Variants in ABCG8 observed in about 807,000 individuals in gnomAD.
The protein encoded by ABCG8 is ATP binding cassette subfamily G member 8.
ABCG8 carries 81 observed loss-of-function variants against 71.3 expected under a neutral mutation model. The observed-to-expected ratio is 1.14, with a 90% CI of 0.95 to 1.37. The LOEUF (loss-of-function observed/expected upper bound fraction) is 1.37. Among genes scored for constraint, ABCG8 ranks in the 40% most tolerant of loss-of-function variants. ABCG8 has a pLI of 0.00. For missense variants in ABCG8, 1,119 were observed against 866.2 expected, an observed-to-expected ratio of 1.29 and a Z score of -3.66; for synonymous variants, 451 against 354.7, an observed-to-expected ratio of 1.27 and a Z score of -3.05.
chr2:43,842,198 A>G lies in ABCG8; in HGVS notation c.64-2309A>G, dbSNP rs565049354. Among the ~76,000 whole-genome samples, 127 of 152,102 alleles carry G rather than the reference A, an allele frequency of 8.3e-4. 1 individual carries two copies. In the South Asian group the frequency reaches 0.026, roughly 31 times the overall value. ...CAATTTTTTTTTGTATTTTTAGTAG[A>G]GACAGGGTTTCACTGTTTTGGCCAA... On this transcript the variant is annotated intron_variant, in intron 1 of 12. Coordinates refer to ENST00000272286, the MANE Select transcript of ABCG8 (RefSeq NM_022437.3).
At chr2:43,852,292 A>C (rs578169492) in intron 4 of ABCG8, 62 bp from the exon 5 acceptor site, 18 of 1,610,310 alleles carry the variant, frequency 1.1e-5, no homozygotes, top group African/African-American at 1.3e-5. Flanking sequence ...CCTTGGGGTC[A>C]CAATGTGTCC....
Position 43,846,988 on chromosome 2 carries a change from GTGCACACA to G in ABCG8, c.322+678_322+685del, listed in dbSNP as rs1411866930. 749 of 124,430 alleles carry G rather than the reference GTGCACACA, an allele frequency of 6.0e-3. 6 individuals carry two copies. Among genetic ancestry groups the G allele is most frequent in the African/African-American group, 0.015 (462 of 31,562 alleles). 7.7% of individuals were successfully genotyped at this position (124,430 alleles called of 1,614,324 possible). On this transcript the variant is annotated intron_variant, in intron 3 of 12. Coordinates refer to ENST00000272286, the MANE Select transcript of ABCG8 (RefSeq NM_022437.3). ...CTAGAGTATCCTCCTGCACGCGCGC[GTGCACACA>G]CACACACACACACACACACACACAC...
chr2:43,852,554 G>A (rs1383514481), intron 5 of ABCG8, 45 bp from the exon 6 acceptor site: 2 of 1,613,996 alleles, frequency 1.2e-6, no homozygotes, highest in Admixed American at 1.7e-5. Flanking sequence ...GCTTGGTCTG[G>A]CCAGAGCCCC....
intron 6 of ABCG8, among the ~76,000 whole-genome samples, chr2:43,862,687 A>G (rs1009638024): frequency 6.6e-6 from 1 of 150,988 alleles, no homozygotes; most frequent in African/African-American, 2.4e-5. Context: ...CACTCTCTGG[A>G]TAGAACTCTC....
chr2:43,858,523 T>C (rs535602933), intron 6 of ABCG8, among the ~76,000 whole-genome samples: 3 of 151,692 alleles, frequency 2.0e-5, no homozygotes, highest in Non-Finnish European at 3.0e-5. Flanking sequence ...TCTATCTCGA[T>C]AGAATTCTCA....
chr2:43,844,507 G>A lies in ABCG8; in HGVS notation c.64G>A (p.Gly22Ser), dbSNP rs373228989. ...PKGATPQDTS[G>S]LQDRLFSSES... ...CCCTCATCTCTCCTGTCTCCCACAG[G>A]GCCTCCAGGATAGATTGTTCTCCTC... Residue 22 changes from glycine to serine, a missense_variant and splice_region_variant, in exon 2 of 13, where the codon GGC (glycine) becomes AGC (serine). Coordinates refer to ENST00000272286, the MANE Select transcript of ABCG8 (RefSeq NM_022437.3). 21 of 1,613,588 alleles carry A rather than the reference G, an allele frequency of 1.3e-5. No individual in the cohort carries two copies. Among genetic ancestry groups the A allele is most frequent in the East Asian group, 6.7e-5 (3 of 44,882 alleles).
At position 43,879,120 on chromosome 2, in the gene ABCG8, T is replaced by G. The variant is rs972028401; in HGVS notation, c.*1207T>G. The stretch of plus-strand genomic sequence containing the variant: ...GCAGTGTGAGAGCAGATGAATACAC[T>G]GGCCCTGCCTGGGTTTCAGAACCAG... On this transcript the variant is annotated 3_prime_UTR_variant, in exon 13 of 13. Coordinates refer to ENST00000272286, the MANE Select transcript of ABCG8 (RefSeq NM_022437.3). The G allele has an allele frequency of 2.6e-5, 4 of 152,242 alleles. No individual in the cohort carries two copies. The highest frequency in any genetic ancestry group is 5.9e-5 in the Non-Finnish European group (4 of 68,086). 9.4% of individuals were successfully genotyped at this position (152,242 alleles called of 1,614,324 possible).
At chr2:43,849,421 G>C (rs1314733320) in intron 3 of ABCG8, among the ~76,000 whole-genome samples, 4 of 152,186 alleles carry the variant, frequency 2.6e-5, no homozygotes, top group African/African-American at 7.2e-5. Flanking sequence ...TAAACCATAA[G>C]AGTGTAAACT....
chr2:43,843,742 T>A (rs1464972592), intron 1 of ABCG8, among the ~76,000 whole-genome samples: 1 of 152,138 alleles, frequency 6.6e-6, no homozygotes, highest in East Asian at 1.9e-4. Context: ...TAGGAGGAAT[T>A]GAGATCTGCA....
chr2:43,857,209 A>AG (rs1669142738), intron 6 of ABCG8, among the ~76,000 whole-genome samples: 1 of 151,550 alleles, frequency 6.6e-6, no homozygotes, highest in African/African-American at 2.4e-5. Context: ...CTCTCTGGAT[A>AG]AAACTCTTAA....
intron 6 of ABCG8, among the ~76,000 whole-genome samples, chr2:43,869,403 C>A (rs1043402828): frequency 6.6e-6 from 1 of 152,078 alleles, no homozygotes; most frequent in Non-Finnish European, 1.5e-5. Context: ...AGAACTCTTA[C>A]TGTCTATCTG....
At chr2:43,869,874 G>T (rs550467476) in intron 6 of ABCG8, among the ~76,000 whole-genome samples, 91 of 151,956 alleles carry the variant, frequency 6.0e-4, no homozygotes, top group Non-Finnish European at 1.1e-3. Flanking sequence ...TATGTAGACA[G>T]AATTCTCACT....
intron 6 of ABCG8, among the ~76,000 whole-genome samples, chr2:43,868,118 G>A (rs771496049): frequency 2.6e-5 from 4 of 151,656 alleles, no homozygotes; most frequent in Admixed American, 6.6e-5. Context: ...TGCCTGGATC[G>A]AATTCTCATT....
chr2:43,863,814 C>G (rs1180305618), intron 6 of ABCG8, among the ~76,000 whole-genome samples: 1 of 151,512 alleles, frequency 6.6e-6, no homozygotes, highest in African/African-American at 2.4e-5. Flanking sequence ...CACTACCTGT[C>G]TGGATAGAAT....
At chr2:43,860,168 G>C (rs183255882) in intron 6 of ABCG8, among the ~76,000 whole-genome samples, 7 of 151,204 alleles carry the variant, frequency 4.6e-5, no homozygotes, top group African/African-American at 1.7e-4. Flanking sequence ...TCACTCTCTG[G>C]ATAGAACTCT....
rs1248081609 is a variant in ABCG8, at chr2:43,871,044, G to A, written c.965-932G>A. ...TGGATAGAACTCTCACTATCTATCTGGATAGAATTCTTACTCTAGATAGAA... is the reference window on the plus strand; with the variant it reads ...TGGATAGAACTCTCACTATCTATCTAGATAGAATTCTTACTCTAGATAGAA... On this transcript the variant is annotated intron_variant, in intron 6 of 12. Transcript: ENST00000272286. Among the ~76,000 whole-genome samples, 6 of 149,122 alleles carry A rather than the reference G, an allele frequency of 4.0e-5. No individual in the cohort carries two copies. In the East Asian group the frequency reaches 1.0e-3, roughly 25 times the overall value.
chr2:43,850,664 G>A (rs1572832463), intron 3 of ABCG8, among the ~76,000 whole-genome samples: 1 of 152,300 alleles, frequency 6.6e-6, no homozygotes, highest in East Asian at 1.9e-4. Context: ...TACCACTGAT[G>A]CACTTTGGGA....
At chr2:43,866,208 A>G (rs1166023935) in intron 6 of ABCG8, among the ~76,000 whole-genome samples, 1 of 151,902 alleles carries the variant, frequency 6.6e-6, no homozygotes, top group South Asian at 2.1e-4. Context: ...GATGGATTAA[A>G]GAGTTAAACA....
At chr2:43,849,518 C>A (rs1182036861) in intron 3 of ABCG8, among the ~76,000 whole-genome samples, 1 of 152,196 alleles carries the variant, frequency 6.6e-6, no homozygotes, top group African/African-American at 2.4e-5. Context: ...CCTCCCTCGA[C>A]ACGTGGGGAT....
Sources: gnomAD v4.1 joint callset for allele counts (sites outside exome capture counted in the v4.1 genomes callset) on GRCh38, gnomAD v4.1.1 for gene constraint, MANE v1.5 for transcripts, NCBI Gene and HGNC (gene_info 2026-07-23, HGNC 2026-07-21) for gene names.